Variants in UNC13C observed in about 807,000 individuals in gnomAD.
UNC13C encodes the protein protein unc-13 homolog C.
UNC13C carries 174 observed loss-of-function variants against 245.4 expected under a neutral mutation model. The ratio of observed to expected loss-of-function variants is 0.71; its 90% CI spans 0.63 to 0.80. UNC13C has a LOEUF of 0.80. Ranked by LOEUF, UNC13C falls within the 30% of genes least tolerant of loss-of-function variation. UNC13C has a pLI of 0.00. For synonymous variants in UNC13C, 992 were observed against 895.1 expected, an observed-to-expected ratio of 1.11 and a Z score of -1.93; for missense variants, 2,829 against 2,602.9, an observed-to-expected ratio of 1.09 and a Z score of -1.89.
At chr15:54,483,881 C>A (rs546121605) in intron 19 of UNC13C, among the ~76,000 whole-genome samples, 1 of 152,210 alleles carries the variant, frequency 6.6e-6, no homozygotes, top group Admixed American at 6.5e-5. Context: ...TCCCTCTCAC[C>A]TTTTTACCTA....
chr15:54,278,840 C>T (rs10851563), intron 10 of UNC13C, among the ~76,000 whole-genome samples: 81,468 of 151,900 alleles, frequency 0.54, 23,619 homozygotes, highest in African/African-American at 0.77. Context: ...TCGCTTTCAT[C>T]AGAATGATTT....
At chr15:54,406,304 G>A (rs1165458904) in intron 18 of UNC13C, among the ~76,000 whole-genome samples, 1 of 152,260 alleles carries the variant, frequency 6.6e-6, no homozygotes, top group African/African-American at 2.4e-5. Context: ...TGTCTTCAAC[G>A]ATAAGGATGC....
intron 17 of UNC13C, among the ~76,000 whole-genome samples, chr15:54,377,450 C>T (rs757597889): frequency 1.3e-5 from 2 of 152,180 alleles, no homozygotes; most frequent in Admixed American, 6.5e-5. Flanking sequence ...GCTATTCAGC[C>T]TCTGTCATGA....
chr15:54,082,209 T>C (rs11853437), intron 2 of UNC13C, among the ~76,000 whole-genome samples: 70,957 of 151,966 alleles, frequency 0.47, 18,585 homozygotes, highest in Non-Finnish European at 0.6. Flanking sequence ...GTTGTTTTCA[T>C]TAGCATTGAC....
At chr15:54,403,372 C>G (rs2040226955) in intron 18 of UNC13C, among the ~76,000 whole-genome samples, 1 of 151,972 alleles carries the variant, frequency 6.6e-6, no homozygotes, top group Non-Finnish European at 1.5e-5. Flanking sequence ...GACCACTGCA[C>G]TTCAGCCTGG....
chr15:54,493,930 A>G (rs1893834928), intron 19 of UNC13C, among the ~76,000 whole-genome samples: 1 of 152,166 alleles, frequency 6.6e-6, no homozygotes, highest in South Asian at 2.1e-4. Context: ...AAATCCTGCT[A>G]AGAATGTATC....
At chr15:53,917,003 C>A in the UNC13C span, among the ~76,000 whole-genome samples, 1 of 152,124 alleles carries the variant, frequency 6.6e-6, no homozygotes, top group East Asian at 1.9e-4. Flanking sequence ...AATCAGATGA[C>A]CAGACTATGA....
chr15:54,121,154 C>T (rs186442158), intron 2 of UNC13C, among the ~76,000 whole-genome samples: 32 of 152,182 alleles, frequency 2.1e-4, no homozygotes, highest in African/African-American at 7.5e-4. Context: ...AAATCTTTCC[C>T]AGAAGGAAGA....
At chr15:53,890,309 T>C in the UNC13C span, among the ~76,000 whole-genome samples, 1 of 152,014 alleles carries the variant, frequency 6.6e-6, no homozygotes, top group African/African-American at 2.4e-5. Context: ...GCCCAGCTAA[T>C]TTTTTGTATT....
Position 54,136,655 on chromosome 15 carries a change from C to T in UNC13C, c.2984-6363C>T, listed in dbSNP as rs568189059. Among the ~76,000 whole-genome samples the T allele has an allele frequency of 1.3e-4, 20 of 152,134 alleles. No homozygotes were observed. In the East Asian group the frequency reaches 2.7e-3, roughly 21 times the overall value. On this transcript the variant is annotated intron_variant, in intron 2 of 32. Coordinates refer to ENST00000260323, the MANE Select transcript of UNC13C (RefSeq NM_001080534.3). Reference sequence around the variant, plus strand: ...TAGGGGAAAATCTTTCAGCTTTTCACTGTCGAGTATGATGTTAGCTATGGG... The same window carrying T: ...TAGGGGAAAATCTTTCAGCTTTTCATTGTCGAGTATGATGTTAGCTATGGG...
chr15:54,225,236 G>C (rs2140796750), intron 4 of UNC13C, among the ~76,000 whole-genome samples: 1 of 152,032 alleles, frequency 6.6e-6, no homozygotes, highest in Middle Eastern at 3.4e-3. Flanking sequence ...TTGGAAGCTG[G>C]TTAGCATGAT....
At chr15:54,471,077 A>T (rs980396310) in intron 19 of UNC13C, among the ~76,000 whole-genome samples, 1 of 151,488 alleles carries the variant, frequency 6.6e-6, no homozygotes, top group East Asian at 1.9e-4. Context: ...AAGATACTTC[A>T]TATGATTTTG....
At chr15:54,316,910 C>T (rs79118079) in intron 13 of UNC13C, among the ~76,000 whole-genome samples, 73 of 151,932 alleles carry the variant, frequency 4.8e-4, no homozygotes, top group African/African-American at 1.7e-3. Flanking sequence ...AATTAGGATT[C>T]GAGGTATGTG....
chr15:53,903,283 T>C, the UNC13C span, among the ~76,000 whole-genome samples: 2 of 152,194 alleles, frequency 1.3e-5, no homozygotes, highest in Non-Finnish European at 2.9e-5. Context: ...CTGGTGTAAA[T>C]AAAAGGGCTC....
At chr15:54,360,810 C>A (rs569274539) in intron 17 of UNC13C, among the ~76,000 whole-genome samples, 1 of 152,224 alleles carries the variant, frequency 6.6e-6, no homozygotes, top group Non-Finnish European at 1.5e-5. Context: ...GTATTCCACT[C>A]TCACTGAGAA....
At chr15:54,264,967 A>C (rs2036516934) in intron 9 of UNC13C, among the ~76,000 whole-genome samples, 2 of 152,006 alleles carry the variant, frequency 1.3e-5, no homozygotes, top group African/African-American at 4.8e-5. Context: ...AGAGTTGATC[A>C]ATATTGACGG....
chr15:54,539,738 G>A (rs1896159254), intron 26 of UNC13C, among the ~76,000 whole-genome samples: 1 of 152,068 alleles, frequency 6.6e-6, no homozygotes, highest in Admixed American at 6.6e-5. Flanking sequence ...GAACATAACA[G>A]AAAGTTTTAA....
chr15:54,628,627 C>T (rs1415429972), downstream of UNC13C: 1 of 152,546 alleles, frequency 6.6e-6, no homozygotes, highest in African/African-American at 2.4e-5. Flanking sequence ...TATCTTCTGC[C>T]TTTTTATTTC....
At chr15:54,204,830 CAG>C (rs749073964) in intron 4 of UNC13C, among the ~76,000 whole-genome samples, 3 of 151,846 alleles carry the variant, frequency 2.0e-5, no homozygotes, top group Non-Finnish European at 4.4e-5. Context: ...GGAAAGTCGA[CAG>C]TATTGGAAAT....
Sources: allele counts gnomAD v4.1 joint callset (sites outside exome capture counted in the v4.1 genomes callset), GRCh38; gene constraint gnomAD v4.1.1; transcripts MANE v1.5; gene names NCBI Gene and HGNC (gene_info 2026-07-23, HGNC 2026-07-21).